The following CECR2 variants were observed in gnomAD, a reference collection of about 807,000 sequenced individuals.
CECR2 encodes the protein chromatin remodeling regulator CECR2.
A neutral mutation model predicts 154.5 loss-of-function variants in CECR2; 30 were observed. That is an observed-to-expected ratio of 0.19 (90% CI 0.15 to 0.26). The LOEUF is 0.26. Ranked by LOEUF, CECR2 falls within the 10% of genes least tolerant of loss-of-function variation. The probability of loss-of-function intolerance (pLI) is 1.00; values close to 1 mark genes in which losing one functional copy is unlikely to be tolerated. For missense variants in CECR2, 1,743 were observed against 1,829.3 expected (o/e 0.95, Z 0.86); for synonymous variants, 725 against 683.7 (o/e 1.06, Z -0.94).
At chr22:17,547,237 C>CTT (rs111281450) in intron 16 of CECR2, among the ~76,000 whole-genome samples, 11 of 146,636 alleles carry the variant, frequency 7.5e-5, no homozygotes, top group South Asian at 4.4e-4. Flanking sequence ...AAAAATGCCT[C>CTT]TTTTTTTTTT....
Position 17,539,134 on chromosome 22 carries a change from A to T in CECR2, c.1495+15A>T. The T allele has an allele frequency of 6.2e-7, 1 of 1,610,908 alleles. No homozygotes were observed. The highest frequency in any genetic ancestry group is 1.1e-5 in the South Asian group (1 of 90,974). On this transcript the variant is annotated intron_variant, in intron 13 of 18. Coordinates refer to ENST00000262608, the MANE Select transcript of CECR2 (RefSeq NM_001290047.2). ...GGAAAGTAGTGGTAAGCAGGGAAGG[A>T]GTTTGTGCTAGATACATATCTGTAA...
Position 17,529,237 on chromosome 22 carries a change from C to T in CECR2, c.1108+4966C>T, listed in dbSNP as rs144864322. On this transcript the variant is annotated intron_variant, in intron 9 of 18. Transcript: ENST00000262608. ...GGGATATGCAGCAGGAAGTCCAGGG[C>T]GAGGCTGCAGCGGAGGGGAGCAAAG... Among the ~76,000 whole-genome samples the T allele has an allele frequency of 2.5e-3, 385 of 152,162 alleles. 1 individual carries two copies. Among genetic ancestry groups the T allele is most frequent in the Non-Finnish European group, 4.0e-3 (275 of 67,994 alleles).
chr22:17,445,421 C>CT (rs1275607759), intron 1 of CECR2, among the ~76,000 whole-genome samples: 1 of 152,070 alleles, frequency 6.6e-6, no homozygotes, highest in African/African-American at 2.4e-5. Context: ...GCAGTCATCT[C>CT]TAAGTTTCCA....
At chr22:17,427,056 T>G (rs2054342670) in intron 1 of CECR2, among the ~76,000 whole-genome samples, 1 of 146,362 alleles carries the variant, frequency 6.8e-6, no homozygotes, top group Non-Finnish European at 1.5e-5. Flanking sequence ...TTCCCCACCC[T>G]GTGTCCAAGT....
chr22:17,389,397 T>A (rs914030711), intron 1 of CECR2, among the ~76,000 whole-genome samples: 10 of 152,220 alleles, frequency 6.6e-5, no homozygotes, highest in African/African-American at 2.4e-4. Flanking sequence ...GTGTAATTAC[T>A]GTTTTTCTAC....
At position 17,475,097 on chromosome 22, in the gene CECR2, A is replaced by C. The variant is rs547003952; in HGVS notation, c.127-2491A>C. Among the ~76,000 whole-genome samples, 10 of 152,324 alleles carry C rather than the reference A, an allele frequency of 6.6e-5. No homozygotes were observed. The East Asian group carries it at 1.5e-3, about 23-fold the overall frequency. ...AGAAACCTGGGGATGCATGGACGCC[A>C]CAGTGACAGTGAGCACTGGTGGGAG... is the stretch of plus-strand genomic sequence containing the variant. On this transcript the variant is annotated intron_variant, in intron 1 of 18. Coordinates refer to ENST00000262608, the MANE Select transcript of CECR2 (RefSeq NM_001290047.2).
At chr22:17,464,584 C>T (rs1474108186) in intron 1 of CECR2, among the ~76,000 whole-genome samples, 1 of 152,170 alleles carries the variant, frequency 6.6e-6, no homozygotes, top group African/African-American at 2.4e-5. Context: ...ACTGCAGCCA[C>T]AAACTCCTGG....
chr22:17,377,703 T>C (rs1275806618), intron 1 of CECR2, among the ~76,000 whole-genome samples: 1 of 152,244 alleles, frequency 6.6e-6, no homozygotes, highest in Non-Finnish European at 1.5e-5. Flanking sequence ...CCTTCCTCCA[T>C]ATTTGCATAT....
At chr22:17,515,640 A>G (rs908462733) in intron 8 of CECR2, among the ~76,000 whole-genome samples, 3 of 152,174 alleles carry the variant, frequency 2.0e-5, no homozygotes, top group African/African-American at 7.2e-5. Context: ...TTTTAAGCAT[A>G]CAATAAAAGC....
chr22:17,418,917 A>C, intron 1 of CECR2: 1 of 192,778 alleles, frequency 5.2e-6, no homozygotes. Context: ...CCACAGGTAC[A>C]TCCTGGACTG....
At chr22:17,398,211 G>A (rs2053842012) in intron 1 of CECR2, among the ~76,000 whole-genome samples, 1 of 151,184 alleles carries the variant, frequency 6.6e-6, no homozygotes, top group African/African-American at 2.4e-5. Flanking sequence ...AGTGGGGGGG[G>A]GTATTATAAA....
chr22:17,364,134 A>G (rs572407918), intron 1 of CECR2, among the ~76,000 whole-genome samples: 10 of 151,238 alleles, frequency 6.6e-5, no homozygotes, highest in South Asian at 6.3e-4. Context: ...ACGAGGTCAG[A>G]AGATCTAGAC....
Position 17,415,111 on chromosome 22 carries a change from A to T in CECR2, c.126+45202A>T, listed in dbSNP as rs5992686. Among the ~76,000 whole-genome samples, 1,287 of 152,334 alleles carry T rather than the reference A, an allele frequency of 8.4e-3. 19 individuals are homozygous for T. Among genetic ancestry groups the T allele is most frequent in the African/African-American group, 0.029 (1,212 of 41,576 alleles). On this transcript the variant is annotated intron_variant, in intron 1 of 18. Coordinates refer to ENST00000262608, the MANE Select transcript of CECR2 (RefSeq NM_001290047.2). The stretch of plus-strand genomic sequence containing the variant: ...GTGCCTTCAGTGCCTAGCGGTGGGC[A>T]CTATAAAGTCATTACATGAGTGAAT...
At chr22:17,435,685 A>T (rs980542636) in intron 1 of CECR2, among the ~76,000 whole-genome samples, 3 of 32,168 alleles carry the variant, frequency 9.3e-5, no homozygotes, top group African/African-American at 2.1e-4. Flanking sequence ...TTTAATTCTT[A>T]AAAAAAAAAA....
At chr22:17,417,326 GA>G (rs80044932) in intron 1 of CECR2, among the ~76,000 whole-genome samples, 1 of 151,920 alleles carries the variant, frequency 6.6e-6, no homozygotes, top group African/African-American at 2.4e-5. Flanking sequence ...TAAAAAGGGA[GA>G]AAAAATAATT....
chr22:17,409,127 T>G (rs2054030193), intron 1 of CECR2, among the ~76,000 whole-genome samples: 1 of 151,852 alleles, frequency 6.6e-6, no homozygotes. Flanking sequence ...TTTTCTTGTT[T>G]TTTTTTGTTT....
intron 1 of CECR2, among the ~76,000 whole-genome samples, chr22:17,432,966 T>C (rs1366348983): frequency 6.6e-6 from 1 of 152,238 alleles, no homozygotes; most frequent in Non-Finnish European, 1.5e-5. Flanking sequence ...CCCATAAATA[T>C]AACACATTCT....
intron 13 of CECR2, among the ~76,000 whole-genome samples, chr22:17,540,157 G>T (rs543717955): frequency 6.6e-6 from 1 of 152,214 alleles, no homozygotes; most frequent in African/African-American, 2.4e-5. Flanking sequence ...AGTCCTAGAG[G>T]CCCTGTCCCA....
At chr22:17,360,361 G>T (rs1407107927) in intron 1 of CECR2, among the ~76,000 whole-genome samples, 1 of 152,120 alleles carries the variant, frequency 6.6e-6, no homozygotes, top group East Asian at 1.9e-4. Context: ...GTACAACATC[G>T]TGAGACACCA....
Sources: gnomAD v4.1 joint callset for allele counts (sites outside exome capture counted in the v4.1 genomes callset) on GRCh38, gnomAD v4.1.1 for gene constraint, MANE v1.5 for transcripts, NCBI Gene and HGNC (gene_info 2026-07-23, HGNC 2026-07-21) for gene names.